Variants in LARP4B observed in about 807,000 individuals in gnomAD.
LARP4B encodes la-related protein 4B.
A neutral mutation model predicts 89.8 loss-of-function variants in LARP4B; 12 were observed. The ratio of observed to expected loss-of-function variants is 0.13; its 90% CI spans 0.09 to 0.22. LARP4B has a LOEUF of 0.22. Among genes scored for constraint, LARP4B ranks in the 10% least tolerant of loss-of-function variants. The probability of loss-of-function intolerance (pLI) is 1.00; values close to 1 mark genes in which losing one functional copy is unlikely to be tolerated. For synonymous variants in LARP4B, 367 were observed against 363.3 expected (o/e 1.01, Z -0.12); for missense variants, 757 against 947.7 (o/e 0.80, Z 2.64).
chr10:921,919 T>C (rs1332760912), intron 1 of LARP4B, among the ~76,000 whole-genome samples: 8 of 152,234 alleles, frequency 5.3e-5, no homozygotes, highest in Non-Finnish European at 2.9e-5. Flanking sequence ...ATTCATTCTT[T>C]GGTCTTCACT....
At chr10:865,264 G>A (rs536485874) in intron 3 of LARP4B, among the ~76,000 whole-genome samples, 89 of 152,326 alleles carry the variant, frequency 5.8e-4, no homozygotes, top group Non-Finnish European at 9.4e-4. Flanking sequence ...GCCATGGACA[G>A]CTGTGGAACA....
intron 1 of LARP4B, among the ~76,000 whole-genome samples, chr10:908,542 G>C (rs1210248716): frequency 1.7e-5 from 2 of 120,316 alleles, no homozygotes; most frequent in Non-Finnish European, 3.8e-5. Flanking sequence ...CATTCTGTGG[G>C]ACCTGACACT....
intron 5 of LARP4B, among the ~76,000 whole-genome samples, chr10:849,762 C>T (rs1209993971): frequency 6.6e-6 from 1 of 152,190 alleles, no homozygotes; most frequent in Non-Finnish European, 1.5e-5. Context: ...AATGTGCACC[C>T]TTGATATATG....
intron 17 of LARP4B, among the ~76,000 whole-genome samples, chr10:813,928 A>C (rs1831877945): frequency 6.6e-6 from 1 of 151,152 alleles, no homozygotes; most frequent in Non-Finnish European, 1.5e-5. Flanking sequence ...CAGCCTCCTG[A>C]GTAGCTGGGA....
intron 5 of LARP4B, among the ~76,000 whole-genome samples, chr10:845,484 G>A (rs761229881): frequency 2.0e-5 from 3 of 152,166 alleles, no homozygotes; most frequent in African/African-American, 7.2e-5. Context: ...AGATCAAACA[G>A]GCTCTAGGAC....
At chr10:975,169 A>G in the LARP4B span, among the ~76,000 whole-genome samples, 2 of 152,258 alleles carry the variant, frequency 1.3e-5, no homozygotes, top group African/African-American at 4.8e-5. Flanking sequence ...TCATGATTTT[A>G]TAGGTTCTCA....
Position 829,668 on chromosome 10 carries a change from TG to T in LARP4B, c.915+12del. ...TTGCAAATAAACAAAGTATAACCAA[TG>T]GTCTTGCTTACCTTAATTGGTTTTC... On this transcript the variant is annotated intron_variant, in intron 10 of 17. Transcript: ENST00000316157. 6.2e-7 allele frequency: 1 copy of T among 1,612,204 alleles called. No homozygotes were observed. Among genetic ancestry groups the T allele is most frequent in the Non-Finnish European group, 8.5e-7 (1 of 1,178,266 alleles).
chr10:849,011 C>A (rs999537320), intron 5 of LARP4B, among the ~76,000 whole-genome samples: 2 of 152,176 alleles, frequency 1.3e-5, no homozygotes, highest in Admixed American at 1.3e-4. Context: ...ATCCGGGCCA[C>A]GAGAGAAACG....
intron 1 of LARP4B, among the ~76,000 whole-genome samples, chr10:887,702 C>T (rs911915264): frequency 6.6e-6 from 1 of 151,782 alleles, no homozygotes; most frequent in Admixed American, 6.6e-5. Context: ...CAGAGTGAGA[C>T]TCCATCAAAA....
chr10:836,832 G>A (rs1323520479), intron 7 of LARP4B, among the ~76,000 whole-genome samples: 1 of 152,184 alleles, frequency 6.6e-6, no homozygotes, highest in African/African-American at 2.4e-5. Flanking sequence ...TTGTTTCTGT[G>A]TGCCCTTCCC....
At chr10:859,208 G>A (rs2131819090) in intron 5 of LARP4B, among the ~76,000 whole-genome samples, 1 of 152,100 alleles carries the variant, frequency 6.6e-6, no homozygotes, top group East Asian at 1.9e-4. Context: ...GAACCCGGGA[G>A]GTGGACGTTG....
At chr10:813,253 G>GTC (rs1243129910) in intron 17 of LARP4B, 40 bp from the exon 18 acceptor site, 3 of 1,553,962 alleles carry the variant, frequency 1.9e-6, no homozygotes, top group Non-Finnish European at 1.7e-6. Context: ...GTGAAATGGT[G>GTC]TCTCTAGGGA....
At chr10:863,481 G>A (rs184855506) in intron 5 of LARP4B, among the ~76,000 whole-genome samples, 13 of 151,934 alleles carry the variant, frequency 8.6e-5, no homozygotes, top group South Asian at 6.2e-4. Flanking sequence ...TGCCCGCCTC[G>A]GCCTCCCGAA....
At position 815,000 on chromosome 10, in the gene LARP4B, G is replaced by A; in HGVS notation, c.1766C>T (p.Ser589Phe). ...VVSREPSVPA[S>F]CAVSATYERS... ...CTCGTACGTTGCTGATACAGCACAA[G>A]AAGCCGGCACCGAGGGCTCTCTGGA... The change falls in exon 16 of 18, where the codon TCT (serine) becomes TTT (phenylalanine). Residue 589 changes from serine to phenylalanine, a missense_variant. Physicochemically the swap from Ser to Phe is radical, Grantham distance 155. This residue lies in a region of LARP4B where 387 missense variants were observed against 423.6 expected (regional missense o/e 0.91). Transcript: ENST00000316157. This position sits in a 1 kb window ranked among gnomAD's most constrained non-coding sequence, Gnocchi z 4.4. 1 of 1,609,688 alleles carries A rather than the reference G, an allele frequency of 6.2e-7. No individual in the cohort carries two copies. Among genetic ancestry groups the A allele is most frequent in the South Asian group, 1.1e-5 (1 of 90,592 alleles).
chr10:824,830 C>G (rs2131635267), intron 13 of LARP4B, among the ~76,000 whole-genome samples: 1 of 152,364 alleles, frequency 6.6e-6, no homozygotes, highest in East Asian at 1.9e-4. Flanking sequence ...GGCTATTGAG[C>G]TCCAGTGTTT....
intron 1 of LARP4B, among the ~76,000 whole-genome samples, chr10:894,959 C>A (rs1011101598): frequency 6.6e-6 from 1 of 152,094 alleles, no homozygotes; most frequent in Non-Finnish European, 1.5e-5. Flanking sequence ...CCAAGGCGGG[C>A]GGACTGCCTG....
the LARP4B span, chr10:986,022 A>G: frequency 1.3e-5 from 2 of 152,240 alleles, no homozygotes; most frequent in Admixed American, 6.5e-5. Flanking sequence ...GACGGGCCCA[A>G]TGGAGCACTC....
intron 5 of LARP4B, among the ~76,000 whole-genome samples, chr10:854,026 T>C (rs1269636441): frequency 1.3e-5 from 2 of 152,246 alleles, no homozygotes; most frequent in African/African-American, 4.8e-5. Context: ...TCCTTTGTTG[T>C]CATTTCAACA....
the LARP4B span, among the ~76,000 whole-genome samples, chr10:946,033 C>G: frequency 2.0e-5 from 3 of 152,156 alleles, no homozygotes; most frequent in Non-Finnish European, 4.4e-5. Flanking sequence ...TTACGGCCAG[C>G]GGAGTAGACT....
Sources: allele counts gnomAD v4.1 joint callset (sites outside exome capture counted in the v4.1 genomes callset), GRCh38; gene constraint gnomAD v4.1.1; regional missense constraint gnomAD v4.1.1; non-coding constraint Gnocchi (gnomAD v3.1); transcripts MANE v1.5; gene names NCBI Gene and HGNC (gene_info 2026-07-23, HGNC 2026-07-21).